Variants in RECQL observed in about 807,000 individuals in gnomAD.
RECQL encodes ATP-dependent DNA helicase Q1.
RECQL carries 73 observed loss-of-function variants against 75.8 expected under a neutral mutation model. The ratio of observed to expected loss-of-function variants is 0.96; its 90% CI spans 0.80 to 1.17. The LOEUF is 1.17. RECQL is among the 50% of genes most tolerant of loss of function. RECQL has a pLI of 0.00. For synonymous variants in RECQL, 248 were observed against 254.4 expected, an observed-to-expected ratio of 0.97 and a Z score of 0.24; for missense variants, 699 against 772.1, an observed-to-expected ratio of 0.91 and a Z score of 1.12.
intron 4 of RECQL, among the ~76,000 whole-genome samples, chr12:21,488,492 T>G (rs1943348116): frequency 6.6e-6 from 1 of 152,220 alleles, no homozygotes; most frequent in African/African-American, 2.4e-5. Context: ...CACCAGGCTT[T>G]AGACACAAAC....
chr12:21,501,505 T>G lies in RECQL; in HGVS notation c.-381A>C, dbSNP rs1028157274. On this transcript the variant is annotated 5_prime_UTR_variant, in exon 1 of 15. Transcript: ENST00000444129. ...CTCTCCGGTGTTTGACTGTCCGGTG[T>G]CCGACTGTCCTGTGTCCGACTCTCC... 2 of 182,784 alleles carry G rather than the reference T, an allele frequency of 1.1e-5. No homozygotes were observed. The highest frequency in any genetic ancestry group is 4.8e-5 in the African/African-American group (2 of 41,992). The allele number at this position is 182,784 out of a possible 1,614,324, so 11.3% of individuals were successfully genotyped here.
In RECQL at chr12:21,488,613, CG is replaced by C. The variant is rs376153447; in HGVS notation, c.394+1585del. Among the ~76,000 whole-genome samples, 799 of 152,280 alleles carry C rather than the reference CG, an allele frequency of 5.2e-3. 7 individuals carry two copies. The highest frequency in any genetic ancestry group is 0.018 in the African/African-American group (765 of 41,548). On this transcript the variant is annotated intron_variant, in intron 4 of 14. Transcript: ENST00000444129. ...CCCTCTCCATTCCCAAGAGTTCTTT[CG>C]CCAATGTACCCCATTTCAGTGAAGA...
In RECQL at chr12:21,471,006, G is replaced by A. The variant is rs138651198; in HGVS notation, c.1760C>T (p.Thr587Ile). 5 of 1,590,614 alleles carry A rather than the reference G, an allele frequency of 3.1e-6. No homozygotes were observed. The South Asian group carries it at 3.4e-5, about 11-fold the overall frequency. ...NLLNNEAHAI[T>I]MQVTKSTQNS... ...CTGCGTGGACTTTGTCACTTGCATA[G>A]TAATAGCATGTGCCTCATTGTTCAG... is the stretch of plus-strand genomic sequence containing the variant. Residue 587 changes from threonine to isoleucine, a missense_variant, in exon 14 of 15, where the codon ACT becomes ATT. Coordinates refer to ENST00000444129, the MANE Select transcript of RECQL (RefSeq NM_002907.4).
At position 21,471,621 on chromosome 12, in the gene RECQL, ACT is replaced by A. The variant is rs1282388962; in HGVS notation, c.1472_1473del (p.Glu491ValfsTer17). 6.2e-7 allele frequency: 1 copy of A among 1,612,672 alleles called. No homozygotes were observed. Among genetic ancestry groups the A allele is most frequent in the Admixed American group, 1.7e-5 (1 of 59,894 alleles). On this transcript the variant is annotated frameshift_variant, in exon 13 of 15. Transcript: ENST00000444129. LOFTEE classifies it high-confidence loss of function. ...DSAFERKNIT[E>X]YCRDLIKILK... ...AGGATCTTGATTAGATCTCTGCAGTACTCTGTTATGTTCTTTCTTTCAAATGC... is the reference window on the plus strand; with the variant it reads ...AGGATCTTGATTAGATCTCTGCAGTACTGTTATGTTCTTTCTTTCAAATGC...
intron 5 of RECQL, among the ~76,000 whole-genome samples, chr12:21,485,401 A>T (rs1259238895): frequency 1.3e-5 from 2 of 151,904 alleles, no homozygotes; most frequent in Non-Finnish European, 2.9e-5. Flanking sequence ...GGACGCAATC[A>T]GGAAAATGTA....
intron 2 of RECQL, among the ~76,000 whole-genome samples, chr12:21,498,339 C>T (rs1399759903): frequency 2.6e-5 from 4 of 152,148 alleles, no homozygotes; most frequent in Non-Finnish European, 5.9e-5. Flanking sequence ...CCACGATTCA[C>T]GGGAATCAGC....
chr12:21,483,788 A>G (rs951740525), intron 5 of RECQL, among the ~76,000 whole-genome samples: 4 of 152,186 alleles, frequency 2.6e-5, no homozygotes, highest in African/African-American at 4.8e-5. Flanking sequence ...ACTAACGTCT[A>G]CATTGTTGAT....
chr12:21,486,452 A>T lies in RECQL; in HGVS notation c.501+27T>A, dbSNP rs78838077. ...CCTATTTCAGTGAATAGTTTACATT[A>T]AAAAAAAAAAAGCCACTGAAACATA... On this transcript the variant is annotated intron_variant, in intron 5 of 14. Coordinates refer to ENST00000444129, the MANE Select transcript of RECQL (RefSeq NM_002907.4). 8.3e-5 allele frequency: 16 copies of T among 192,662 alleles called. No individual in the cohort carries two copies. In the Admixed American group the frequency reaches 1.2e-3, roughly 14 times the overall value. The allele number at this position is 192,662 out of a possible 1,614,324, so 11.9% of individuals were successfully genotyped here. A position where few individuals can be genotyped will look rare whatever the true frequency, so the allele number is the denominator to read the frequency against.
At chr12:21,483,919 C>T (rs1647010631) in intron 5 of RECQL, among the ~76,000 whole-genome samples, 1 of 152,052 alleles carries the variant, frequency 6.6e-6, no homozygotes, top group South Asian at 2.1e-4. Flanking sequence ...GAGCTAGATG[C>T]AATTGTTATG....
rs1176731657 is a variant in RECQL, at chr12:21,474,976, C to A, written c.1220G>T (p.Arg407Leu). 6.2e-7 allele frequency: 1 copy of A among 1,611,442 alleles called. No homozygotes were observed. The highest frequency in any genetic ancestry group is 8.5e-7 in the Non-Finnish European group (1 of 1,178,462). Residue 407 changes from arginine (R) to leucine (L), a missense_variant, in exon 11 of 15, where the codon CGA (arginine) becomes CTA (leucine). Transcript: ENST00000444129. ...AATACAGTCTGCTTTCATGTCATCT[C>A]GACCTGTGGTGTGAGAAACCTTGAG... ...NYYQESGRAG[R>L]DDMKADCILY...
At chr12:21,488,191 C>T (rs1012633574) in intron 4 of RECQL, among the ~76,000 whole-genome samples, 9 of 152,198 alleles carry the variant, frequency 5.9e-5, no homozygotes, top group Non-Finnish European at 1.2e-4. Context: ...CTCATTGAAA[C>T]TTACATCCTT....
chr12:21,498,349 C>A (rs1943545914), intron 2 of RECQL, among the ~76,000 whole-genome samples: 1 of 152,078 alleles, frequency 6.6e-6, no homozygotes, highest in Non-Finnish European at 1.5e-5. Context: ...CGGGAATCAG[C>A]GGTGGAAATG....
At chr12:21,472,145 A>G (rs1942984552) in intron 12 of RECQL, among the ~76,000 whole-genome samples, 2 of 152,142 alleles carry the variant, frequency 1.3e-5, no homozygotes, top group South Asian at 4.1e-4. Flanking sequence ...CTGCAAAGTT[A>G]AAAATACAGT....
At chr12:21,498,160 TA>T (rs1219272139) in intron 2 of RECQL, among the ~76,000 whole-genome samples, 1 of 152,242 alleles carries the variant, frequency 6.6e-6, no homozygotes, top group African/African-American at 2.4e-5. Flanking sequence ...TTAACTGGTC[TA>T]ACTATGTTCA....
Position 21,477,570 on chromosome 12 carries a change from A to T in RECQL, c.867+233T>A, listed in dbSNP as rs369350204. 2.0e-5 allele frequency among the ~76,000 whole-genome samples: 3 copies of T among 152,338 alleles called. 1 individual carries two copies. Among genetic ancestry groups the T allele is most frequent in the African/African-American group, 7.2e-5 (3 of 41,586 alleles). ...TAACAAAGATATATGACTTACTCAT[A>T]TGTTTTATAAAAAGTATCACCTAGC... On this transcript the variant is annotated intron_variant, in intron 7 of 14. Transcript: ENST00000444129.
chr12:21,483,335 G>T (rs776617548), intron 6 of RECQL, 41 bp downstream of exon 6: 1 of 1,344,754 alleles, frequency 7.4e-7, no homozygotes, highest in Admixed American at 1.9e-5. Context: ...TAAGGACACG[G>T]TCTATGACAT....
chr12:21,481,663 C>T (rs1189975895), intron 6 of RECQL, among the ~76,000 whole-genome samples: 1 of 152,070 alleles, frequency 6.6e-6, no homozygotes, highest in Non-Finnish European at 1.5e-5. Context: ...CATAATAATT[C>T]TGTAGGTAGA....
chr12:21,492,105 C>G (rs964145407), intron 2 of RECQL, among the ~76,000 whole-genome samples: 4 of 152,114 alleles, frequency 2.6e-5, no homozygotes, highest in African/African-American at 9.7e-5. Context: ...CTAACAATCT[C>G]CTAAATCATT....
At chr12:21,487,363 C>A (rs898442983) in intron 4 of RECQL, among the ~76,000 whole-genome samples, 2 of 152,002 alleles carry the variant, frequency 1.3e-5, no homozygotes, top group Non-Finnish European at 2.9e-5. Flanking sequence ...ACTTTTTGTA[C>A]GAGATTCATT....
Sources: allele counts gnomAD v4.1 joint callset (sites outside exome capture counted in the v4.1 genomes callset), GRCh38; gene constraint gnomAD v4.1.1; transcripts MANE v1.5; gene names NCBI Gene and HGNC (gene_info 2026-07-23, HGNC 2026-07-21).